NLGN1: variants seen among roughly 807,000 people sequenced by gnomAD.
NLGN1 encodes the protein neuroligin 1.
In NLGN1, 12 loss-of-function variants were observed where a neutral mutation model predicts 65.5. The observed-to-expected ratio is 0.18, with a 90% confidence interval of 0.12 to 0.30. The LOEUF (loss-of-function observed/expected upper bound fraction) is 0.30. Among genes scored for constraint, NLGN1 ranks in the 10% least tolerant of loss-of-function variants. The pLI is 1.00. For synonymous variants in NLGN1, 350 were observed against 359.5 expected (o/e 0.97, Z 0.30); for missense variants, 750 against 1,007.1 (o/e 0.74, Z 3.46).
intron 3 of NLGN1, among the ~76,000 whole-genome samples, chr3:173,767,672 T>G (rs1461068948): frequency 6.6e-6 from 1 of 152,106 alleles, no homozygotes. Context: ...CATTGTTTAC[T>G]GTATAAGTAC....
Position 173,880,000 on chromosome 3 carries a change from T to G in NLGN1, c.646+72168T>G, listed in dbSNP as rs1380154081. On this transcript the variant is annotated intron_variant, in intron 4 of 6. Transcript: ENST00000457714. ...TAAGTTCTTTAAACTTTGTTTAAATTTTATTTCTTTGTAGCTATATCCTAT... is the reference window on the plus strand; with the variant it reads ...TAAGTTCTTTAAACTTTGTTTAAATGTTATTTCTTTGTAGCTATATCCTAT... Among the ~76,000 whole-genome samples the G allele has an allele frequency of 2.0e-5, 3 of 152,232 alleles. No homozygotes were observed. In the East Asian group the frequency reaches 5.8e-4, roughly 29 times the overall value.
At chr3:174,179,318 G>GT (rs1181729575) in intron 4 of NLGN1, among the ~76,000 whole-genome samples, 1 of 152,082 alleles carries the variant, frequency 6.6e-6, no homozygotes, top group African/African-American at 2.4e-5. Flanking sequence ...ATTTAGAAAT[G>GT]TAAGTAGTTG....
intron 3 of NLGN1, among the ~76,000 whole-genome samples, chr3:173,623,108 G>A (rs796832453): frequency 2.6e-5 from 4 of 152,010 alleles, no homozygotes; most frequent in Admixed American, 1.3e-4. Flanking sequence ...ATAATCATTC[G>A]ACAGCAACAT....
intron 4 of NLGN1, among the ~76,000 whole-genome samples, chr3:174,046,044 A>C (rs2152496121): frequency 6.6e-6 from 1 of 152,310 alleles, no homozygotes; most frequent in Non-Finnish European, 1.5e-5. Flanking sequence ...TTATACTCTT[A>C]GTGTTTCAAT....
chr3:173,952,168 T>C (rs1337952674), intron 4 of NLGN1, among the ~76,000 whole-genome samples: 1 of 152,198 alleles, frequency 6.6e-6, no homozygotes, highest in Non-Finnish European at 1.5e-5. Flanking sequence ...GGTCTGTAGA[T>C]GAGCATGTGG....
chr3:173,720,046 T>G (rs574935637), intron 3 of NLGN1, among the ~76,000 whole-genome samples: 1 of 152,118 alleles, frequency 6.6e-6, no homozygotes, highest in Non-Finnish European at 1.5e-5. Context: ...TGCAGGAGTT[T>G]AAGGCTGCAG....
chr3:174,064,566 TATTA>T (rs1227948262), intron 4 of NLGN1, among the ~76,000 whole-genome samples: 1 of 150,078 alleles, frequency 6.7e-6, no homozygotes, highest in African/African-American at 2.4e-5. Context: ...ATTACATTAA[TATTA>T]ATTATAATAT....
chr3:174,027,960 A>C (rs946469576), intron 4 of NLGN1, among the ~76,000 whole-genome samples: 1 of 152,132 alleles, frequency 6.6e-6, no homozygotes, highest in African/African-American at 2.4e-5. Flanking sequence ...TACTGTTCTC[A>C]TGTTAGTGAA....
At chr3:174,221,100 A>G (rs1375846729) in intron 4 of NLGN1, among the ~76,000 whole-genome samples, 1 of 152,176 alleles carries the variant, frequency 6.6e-6, no homozygotes, top group Admixed American at 6.6e-5. Context: ...ATTATTGCCT[A>G]CTATTTAAAC....
intron 4 of NLGN1, among the ~76,000 whole-genome samples, chr3:173,822,903 A>T (rs1462788349): frequency 1.3e-5 from 2 of 151,908 alleles, no homozygotes; most frequent in Non-Finnish European, 2.9e-5. Context: ...TTTTTGTACA[A>T]TGCTTCTGTT....
At chr3:174,157,363 A>G (rs1222744665) in intron 4 of NLGN1, among the ~76,000 whole-genome samples, 2 of 151,874 alleles carry the variant, frequency 1.3e-5, no homozygotes, top group Admixed American at 6.6e-5. Flanking sequence ...ACAGTGTGGT[A>G]TATTTTTATA....
intron 2 of NLGN1, among the ~76,000 whole-genome samples, chr3:173,563,103 G>T (rs191570498): frequency 1.2e-3 from 187 of 152,268 alleles, no homozygotes; most frequent in African/African-American, 4.2e-3. Context: ...GCAAATCAAG[G>T]TGGTTAATAA....
intron 2 of NLGN1, among the ~76,000 whole-genome samples, chr3:173,555,109 A>G (rs1176609464): frequency 2.6e-5 from 4 of 152,188 alleles, no homozygotes; most frequent in African/African-American, 9.7e-5. Flanking sequence ...CTGTTTAGCT[A>G]TGTATTGTTG....
intron 1 of NLGN1, among the ~76,000 whole-genome samples, chr3:173,402,511 T>C (rs1717881045): frequency 1.3e-5 from 2 of 152,156 alleles, no homozygotes; most frequent in South Asian, 4.1e-4. Flanking sequence ...GTACATTCAT[T>C]ATCTCAGAAC....
intron 4 of NLGN1, among the ~76,000 whole-genome samples, chr3:173,936,154 C>T (rs897532405): frequency 1.3e-5 from 2 of 151,450 alleles, no homozygotes; most frequent in Non-Finnish European, 3.0e-5. Flanking sequence ...ACAAAATTGA[C>T]ATAAAATAAG....
chr3:173,909,331 G>A (rs546045548), intron 4 of NLGN1, among the ~76,000 whole-genome samples: 15 of 151,244 alleles, frequency 9.9e-5, no homozygotes, highest in Non-Finnish European at 1.9e-4. Context: ...AATTTTCCCC[G>A]GGGACCTACA....
intron 1 of NLGN1, among the ~76,000 whole-genome samples, chr3:173,429,556 T>C (rs1716810457): frequency 6.6e-6 from 1 of 152,184 alleles, no homozygotes; most frequent in Non-Finnish European, 1.5e-5. Context: ...TTCTTATGGA[T>C]GTATGTCTAT....
intron 1 of NLGN1, among the ~76,000 whole-genome samples, chr3:173,425,114 G>C (rs777615212): frequency 1.6e-4 from 25 of 152,162 alleles, no homozygotes; most frequent in Non-Finnish European, 2.8e-4. Flanking sequence ...AGAGAGAAGA[G>C]CGAGGAAGTG....
chr3:173,691,567 A>T (rs1765466997), intron 3 of NLGN1, among the ~76,000 whole-genome samples: 1 of 152,118 alleles, frequency 6.6e-6, no homozygotes, highest in Non-Finnish European at 1.5e-5. Context: ...TACGTGTCTT[A>T]AAGTGGGATA....
Sources: allele counts gnomAD v4.1 joint callset (sites outside exome capture counted in the v4.1 genomes callset), GRCh38; gene constraint gnomAD v4.1.1; transcripts MANE v1.5; gene names NCBI Gene and HGNC (gene_info 2026-07-23, HGNC 2026-07-21).